TEX29: variants seen among roughly 807,000 people sequenced by gnomAD.
The protein encoded by TEX29 is testis-expressed protein 29.
TEX29 carries 26 observed loss-of-function variants against 18.2 expected under a neutral mutation model. That is an observed-to-expected ratio of 1.43 (90% confidence interval 1.04 to 1.98). TEX29 has a LOEUF of 1.98. TEX29 is among the 30% of genes most tolerant of loss of function. The probability of loss-of-function intolerance (pLI) is 0.00; values close to 1 mark genes in which losing one functional copy is unlikely to be tolerated. For synonymous variants in TEX29, 83 were observed against 78.5 expected, an observed-to-expected ratio of 1.06 and a Z score of -0.31; for missense variants, 177 against 194.2, an observed-to-expected ratio of 0.91 and a Z score of 0.53.
intron 4 of TEX29, among the ~76,000 whole-genome samples, chr13:111,341,680 A>C (rs796868194): frequency 1.3e-3 from 89 of 70,616 alleles, no homozygotes; most frequent in South Asian, 6.8e-3. Context: ...TGTTGATGAA[A>C]ATCATAACCC....
At chr13:111,343,865 C>T (rs1467308061) in intron 5 of TEX29, among the ~76,000 whole-genome samples, 3 of 152,120 alleles carry the variant, frequency 2.0e-5, no homozygotes, top group Non-Finnish European at 4.4e-5. Flanking sequence ...TTAAGGGAGC[C>T]TCCTGTGTAG....
chr13:111,326,068 T>C (rs947501430), intron 2 of TEX29, among the ~76,000 whole-genome samples: 1 of 152,130 alleles, frequency 6.6e-6, no homozygotes, highest in Admixed American at 6.5e-5. Context: ...AAGCCAGAGG[T>C]CTCTGTGGAT....
At chr13:111,341,952 C>G (rs2093697233) in intron 4 of TEX29, among the ~76,000 whole-genome samples, 1 of 152,244 alleles carries the variant, frequency 6.6e-6, no homozygotes, top group Non-Finnish European at 1.5e-5. Flanking sequence ...TCCCAGTTGT[C>G]TCAGAGTCCC....
chr13:111,336,333 G>A (rs1228879609), intron 3 of TEX29, among the ~76,000 whole-genome samples: 2 of 152,188 alleles, frequency 1.3e-5, no homozygotes, highest in African/African-American at 4.8e-5. Context: ...CATTCAAAAC[G>A]ACGAATGAAC....
chr13:111,320,988 G>GGGGGGGGGGGT, intron 2 of TEX29, 40 bp downstream of exon 2: 1 of 431,430 alleles, frequency 2.3e-6, no homozygotes, highest in Non-Finnish European at 4.3e-6. Flanking sequence ...TGGGGTGGGG[G>GGGGGGGGGGGT]AGCAGTTGGG....
chr13:111,331,456 A>G (rs2093682694), intron 3 of TEX29, among the ~76,000 whole-genome samples: 1 of 151,804 alleles, frequency 6.6e-6, no homozygotes, highest in Admixed American at 6.6e-5. Context: ...TCTAGATATT[A>G]AACTCTTATT....
intron 5 of TEX29, 39 bp from the exon 6 acceptor site, chr13:111,344,044 T>A (rs1282426690): frequency 9.1e-6 from 14 of 1,546,868 alleles, no homozygotes; most frequent in Non-Finnish European, 1.2e-5. Flanking sequence ...TGCTGAATAT[T>A]CCATTTGAAA....
At chr13:111,320,528 C>G (rs971409303), upstream of TEX29, 1 of 338,590 alleles carries the variant, frequency 3.0e-6, no homozygotes, top group African/African-American at 2.1e-5. Context: ...CAGCCAGTGT[C>G]AAGGTGGACA....
Position 111,334,746 on chromosome 13 carries a change from T to TG in TEX29, c.170-5113dup, listed in dbSNP as rs1478449295. Among the ~76,000 whole-genome samples, 2 of 152,192 alleles carry TG rather than the reference T, an allele frequency of 1.3e-5. 1 individual carries two copies. Among genetic ancestry groups the TG allele is most frequent in the Non-Finnish European group, 2.9e-5 (2 of 68,030 alleles). On this transcript the variant is annotated intron_variant, in intron 3 of 5. Coordinates refer to ENST00000283547, the MANE Select transcript of TEX29 (RefSeq NM_152324.3). ...CTTCTGATTATTTATAACAAATGCC[T>TG]GGGGAAAAAGCTGTTCTCACCGAAT... is the stretch of plus-strand genomic sequence containing the variant.
Position 111,339,916 on chromosome 13 carries a change from A to G in TEX29, c.223A>G (p.Ile75Val), listed in dbSNP as rs752239630. 2 of 1,608,106 alleles carry G rather than the reference A, an allele frequency of 1.2e-6. No individual in the cohort carries two copies. The highest frequency in any genetic ancestry group is 2.2e-5 in the South Asian group (2 of 91,052). ...LIVIIAGAFV[I>V]TIIYRVIQES... ...TGTGATCATCGCTGGGGCCTTCGTCATCACCATCATCTACAGGTCGGTCCC... is the reference window on the plus strand; with the variant it reads ...TGTGATCATCGCTGGGGCCTTCGTCGTCACCATCATCTACAGGTCGGTCCC... The change falls in exon 4 of 6, where the codon ATC becomes GTC. Residue 75 changes from isoleucine (I) to valine (V), a missense_variant. Coordinates refer to ENST00000283547, the MANE Select transcript of TEX29 (RefSeq NM_152324.3).
intron 4 of TEX29, 58 bp from the exon 5 acceptor site, chr13:111,342,698 A>G: frequency 6.4e-7 from 1 of 1,559,384 alleles, no homozygotes; most frequent in Admixed American, 1.7e-5. Flanking sequence ...GGAGGGAGGA[A>G]CTGGAGAGTT....
chr13:111,332,759 G>GT (rs1000316190), intron 3 of TEX29, among the ~76,000 whole-genome samples: 2 of 152,040 alleles, frequency 1.3e-5, no homozygotes, highest in African/African-American at 4.8e-5. Context: ...TTTGTTGAGT[G>GT]TTTTTATCAT....
chr13:111,322,881 C>A (rs1203118194), intron 2 of TEX29, among the ~76,000 whole-genome samples: 1 of 152,180 alleles, frequency 6.6e-6, no homozygotes, highest in Non-Finnish European at 1.5e-5. Context: ...GTCAGCACCA[C>A]CGGTGGCCTC....
At chr13:111,338,887 C>T (rs1251963654) in intron 3 of TEX29, among the ~76,000 whole-genome samples, 7 of 152,184 alleles carry the variant, frequency 4.6e-5, no homozygotes, top group African/African-American at 9.6e-5. Flanking sequence ...GAATGATGCT[C>T]GTGTACAAAT....
upstream of TEX29, among the ~76,000 whole-genome samples, chr13:111,317,222 A>G (rs1421118953): frequency 6.6e-6 from 1 of 152,118 alleles, no homozygotes; most frequent in African/African-American, 2.4e-5. Context: ...TTCTCCGCCA[A>G]CAGCTTCACG....
chr13:111,332,438 T>C (rs2093684040), intron 3 of TEX29, among the ~76,000 whole-genome samples: 1 of 152,186 alleles, frequency 6.6e-6, no homozygotes, highest in South Asian at 2.1e-4. Flanking sequence ...TTCTAGTTGA[T>C]TCCTTAGGAT....
chr13:111,328,250 G>T lies in TEX29; in HGVS notation c.126G>T (p.Gly42=). The T allele has an allele frequency of 6.2e-7, 1 of 1,614,052 alleles. No individual in the cohort carries two copies. The highest frequency in any genetic ancestry group is 8.5e-7 in the Non-Finnish European group (1 of 1,180,026). The stretch of plus-strand genomic sequence containing the variant: ...CCAGGGACCGATGCCAGGAGCTCGG[G>T]TGCTGCTTCTACGAAGGCGTCTGCT... ...NVSRDRCQEL[G]CCFYEGVCYK... is the part of the protein sequence containing the mutation. Residue 42 remains glycine, a synonymous_variant, in exon 3 of 6, where the codon GGG becomes GGT. Transcript: ENST00000283547.
chr13:111,327,065 C>T (rs1387026963), intron 2 of TEX29, among the ~76,000 whole-genome samples: 3 of 152,192 alleles, frequency 2.0e-5, no homozygotes, highest in Non-Finnish European at 4.4e-5. Context: ...CGGCCTCCCC[C>T]GACCTCTCCC....
At chr13:111,334,497 T>G (rs1238554077) in intron 3 of TEX29, among the ~76,000 whole-genome samples, 1 of 152,234 alleles carries the variant, frequency 6.6e-6, no homozygotes, top group African/African-American at 2.4e-5. Context: ...GATCCTTAAG[T>G]CAGCCAGAAG....
Sources: gnomAD v4.1 joint callset for allele counts (sites outside exome capture counted in the v4.1 genomes callset) on GRCh38, gnomAD v4.1.1 for gene constraint, MANE v1.5 for transcripts, NCBI Gene and HGNC (gene_info 2026-07-23, HGNC 2026-07-21) for gene names.